Variants in PARN observed in about 807,000 individuals in gnomAD.
The protein encoded by PARN is poly(A)-specific ribonuclease PARN.
In PARN, 71 loss-of-function variants were observed where a neutral mutation model predicts 102.8. The ratio of observed to expected loss-of-function variants is 0.69; its 90% CI spans 0.57 to 0.84. The LOEUF is 0.84. PARN is among the 40% of genes least tolerant of loss of function. The pLI is 0.00. For synonymous variants in PARN, 261 were observed against 252.9 expected, an observed-to-expected ratio of 1.03 and a Z score of -0.30; for missense variants, 782 against 760.9, an observed-to-expected ratio of 1.03 and a Z score of -0.33.
chr16:14,446,911 A>G lies in PARN; in HGVS notation c.1841T>C (p.Met614Thr), dbSNP rs1961224273. ...ACCTGCTGGAGAAAGCTCCTTCTTCATTCTTTTTAATTTCTTGGCCTTTTT... is the reference window on the plus strand; with the variant it reads ...ACCTGCTGGAGAAAGCTCCTTCTTCGTTCTTTTTAATTTCTTGGCCTTTTT... Reference protein sequence around the residue: ...GRKKAKKLKRMKKELSPAGSI... With the variant: ...GRKKAKKLKRTKKELSPAGSI... Residue 614 changes from methionine (M) to threonine (T), a missense_variant, in exon 23 of 24, where the codon ATG becomes ACG. Coordinates refer to ENST00000437198, the MANE Select transcript of PARN (RefSeq NM_002582.4). 2.5e-6 allele frequency: 4 copies of G among 1,613,174 alleles called. No homozygotes were observed. Among genetic ancestry groups the G allele is most frequent in the African/African-American group, 1.3e-5 (1 of 74,990 alleles).
chr16:14,541,421 A>C (rs1966839654), intron 21 of PARN, among the ~76,000 whole-genome samples: 1 of 152,166 alleles, frequency 6.6e-6, no homozygotes, highest in Non-Finnish European at 1.5e-5. Flanking sequence ...AGCCATGAAA[A>C]AGTTTGTAGT....
In PARN at chr16:14,630,173, T is replaced by C; in HGVS notation, c.-48A>G. 1 of 1,528,440 alleles carries C rather than the reference T, an allele frequency of 6.5e-7. No individual in the cohort carries two copies. The highest frequency in any genetic ancestry group is 8.9e-7 in the Non-Finnish European group (1 of 1,128,104). 94.7% of individuals were successfully genotyped at this position (1,528,440 alleles called of 1,614,324 possible). ...GGCCCCACCCGGGCCCGCGCCCGCC[T>C]CAGCGGTTCTACTCGCCGAATTCCG... On this transcript the variant is annotated 5_prime_UTR_variant, in exon 1 of 24. Coordinates refer to ENST00000437198, the MANE Select transcript of PARN (RefSeq NM_002582.4).
At chr16:14,607,223 T>A (rs568609615) in intron 9 of PARN, among the ~76,000 whole-genome samples, 348 of 152,310 alleles carry the variant, frequency 2.3e-3, no homozygotes, top group Non-Finnish European at 4.2e-3. Flanking sequence ...TTATTTATTT[T>A]TTTGAGATGG....
At chr16:14,538,701 G>A (rs551117407) in intron 21 of PARN, among the ~76,000 whole-genome samples, 28 of 152,202 alleles carry the variant, frequency 1.8e-4, no homozygotes, top group Admixed American at 5.2e-4. Flanking sequence ...CCCTAAAACC[G>A]AAGTCGCCAA....
At chr16:14,623,100 C>CAA (rs112685695) in intron 5 of PARN, among the ~76,000 whole-genome samples, 2 of 79,336 alleles carry the variant, frequency 2.5e-5, no homozygotes, top group African/African-American at 4.9e-5. Flanking sequence ...ACTCTGTCTC[C>CAA]AAAAAAAAAA....
Position 14,614,760 on chromosome 16 carries a change from A to C in PARN, c.388+2830T>G, listed in dbSNP as rs12162009. Among the ~76,000 whole-genome samples the C allele has an allele frequency of 6.7e-4, 99 of 147,578 alleles. 1 individual carries two copies. The East Asian group carries it at 0.017, about 26-fold the overall frequency. On this transcript the variant is annotated intron_variant, in intron 6 of 23. Coordinates refer to ENST00000437198, the MANE Select transcript of PARN (RefSeq NM_002582.4). ...CTACTTGGGAGGGTGAGGCAGGAGA[A>C]TCACTTGAACCCAGGAGGCAGAGGT...
chr16:14,593,700 T>TA (rs1211201741), intron 12 of PARN, among the ~76,000 whole-genome samples: 2 of 151,908 alleles, frequency 1.3e-5, no homozygotes, highest in Admixed American at 1.3e-4. Context: ...AAAGTTTTTT[T>TA]AAAAGTAAAA....
rs754262633 is a variant in PARN at position 14,436,698 on chromosome 16, T to G, written c.*19A>C. 1 of 1,583,978 alleles carries G rather than the reference T, an allele frequency of 6.3e-7. No homozygotes were observed. Among genetic ancestry groups the G allele is most frequent in the Non-Finnish European group, 8.6e-7 (1 of 1,160,996 alleles). ...GCTCACAGCGACAGCACCAGCGGTTTGCTGCCCTCAGGTCTTGGTTACCAT... is the reference window on the plus strand; with the variant it reads ...GCTCACAGCGACAGCACCAGCGGTTGGCTGCCCTCAGGTCTTGGTTACCAT... On this transcript the variant is annotated 3_prime_UTR_variant, in exon 24 of 24. Transcript: ENST00000437198.
intron 9 of PARN, chr16:14,607,997 C>A: frequency 2.6e-6 from 1 of 382,974 alleles, no homozygotes; most frequent in South Asian, 5.0e-5. Context: ...GTCTGAAAAC[C>A]AAATATTTAT....
intron 18 of PARN, among the ~76,000 whole-genome samples, chr16:14,562,600 T>C (rs933397579): frequency 1.9e-4 from 29 of 151,752 alleles, no homozygotes; most frequent in Admixed American, 1.7e-3. Flanking sequence ...AAGAGATAAA[T>C]TGGGTGAAAT....
chr16:14,538,649 C>T (rs12386014), intron 21 of PARN, among the ~76,000 whole-genome samples: 28,293 of 152,144 alleles, frequency 0.19, 3,083 homozygotes, highest in Middle Eastern at 0.28. Context: ...TACTCTGAAA[C>T]CGCATCATAA....
chr16:14,484,812 A>G (rs1963569834), intron 21 of PARN, among the ~76,000 whole-genome samples: 1 of 152,214 alleles, frequency 6.6e-6, no homozygotes. Flanking sequence ...AAAACAGAAC[A>G]AAACAGGAAA....
chr16:14,487,372 G>T (rs1459529027), intron 21 of PARN, among the ~76,000 whole-genome samples: 1 of 152,164 alleles, frequency 6.6e-6, no homozygotes, highest in African/African-American at 2.4e-5. Context: ...CTTATAAAAT[G>T]CTTCCTGTAT....
chr16:14,450,920 A>T (rs1313458687), intron 22 of PARN, among the ~76,000 whole-genome samples: 1 of 152,086 alleles, frequency 6.6e-6, no homozygotes, highest in Non-Finnish European at 1.5e-5. Flanking sequence ...AAAAAAAAAT[A>T]GCAATCCATG....
intron 21 of PARN, among the ~76,000 whole-genome samples, chr16:14,483,385 A>G (rs1432104947): frequency 6.6e-6 from 1 of 152,208 alleles, no homozygotes; most frequent in Non-Finnish European, 1.5e-5. Flanking sequence ...ACTGGTGAGA[A>G]AGCAGGATCA....
At chr16:14,518,116 C>A (rs1316210291) in intron 21 of PARN, among the ~76,000 whole-genome samples, 1 of 150,898 alleles carries the variant, frequency 6.6e-6, no homozygotes, top group Non-Finnish European at 1.5e-5. Flanking sequence ...ATTTAATTTG[C>A]TCTTTTTTAA....
Position 14,552,897 on chromosome 16 carries a change from G to A in PARN, c.1406-802C>T, listed in dbSNP as rs1423150696. 5.9e-5 allele frequency among the ~76,000 whole-genome samples: 9 copies of A among 151,954 alleles called. No homozygotes were observed. In the South Asian group the frequency reaches 1.0e-3, roughly 18 times the overall value. On this transcript the variant is annotated intron_variant, in intron 20 of 23. Coordinates refer to ENST00000437198, the MANE Select transcript of PARN (RefSeq NM_002582.4). ...TGGGAGGCGGAGGTTGAGGTGAGCC[G>A]AGATCGCGCCATTGCACTCCAGCCT...
chr16:14,617,498 C>T, intron 6 of PARN, 92 bp downstream of exon 6: 1 of 747,488 alleles, frequency 1.3e-6, no homozygotes, highest in East Asian at 2.5e-5. Context: ...TCAGCAGGCA[C>T]AAAATAATAA....
chr16:14,597,972 C>T (rs1435896383), intron 12 of PARN, among the ~76,000 whole-genome samples: 3 of 151,870 alleles, frequency 2.0e-5, no homozygotes, highest in African/African-American at 7.3e-5. Flanking sequence ...GGTGAAAGCC[C>T]GTCTCAACTA....
Sources: gnomAD v4.1 joint callset for allele counts (sites outside exome capture counted in the v4.1 genomes callset) on GRCh38, gnomAD v4.1.1 for gene constraint, MANE v1.5 for transcripts, NCBI Gene and HGNC (gene_info 2026-07-23, HGNC 2026-07-21) for gene names.